Variants in C9orf85 observed in about 807,000 individuals in gnomAD.
The protein encoded by C9orf85 is chromosome 9 open reading frame 85, also known as uncharacterized protein C9orf85.
Under a neutral mutation model 14.9 loss-of-function variants are expected in C9orf85, and 16 were observed. The ratio of observed to expected loss-of-function variants is 1.08; its 90% CI spans 0.73 to 1.63. The LOEUF (loss-of-function observed/expected upper bound fraction) is 1.63. Among genes scored for constraint, C9orf85 ranks in the 40% most tolerant of loss-of-function variants. The pLI, the probability that C9orf85 is intolerant of heterozygous loss-of-function variation, is 0.00. For missense variants in C9orf85, 172 were observed against 186.1 expected, an observed-to-expected ratio of 0.92 and a Z score of 0.44; for synonymous variants, 45 against 56.8, an observed-to-expected ratio of 0.79 and a Z score of 0.93.
intron 1 of C9orf85, among the ~76,000 whole-genome samples, chr9:71,912,853 C>T (rs1827549098): frequency 6.6e-6 from 1 of 152,084 alleles, no homozygotes; most frequent in African/African-American, 2.4e-5. Flanking sequence ...CACTGCACTC[C>T]TGGGCGACAG....
At chr9:71,945,221 G>A (rs377068950) in intron 1 of C9orf85, among the ~76,000 whole-genome samples, 3 of 152,326 alleles carry the variant, frequency 2.0e-5, no homozygotes, top group South Asian at 2.1e-4. Context: ...TGTTCTAGAC[G>A]ACAGAGAAGA....
intron 3 of C9orf85, among the ~76,000 whole-genome samples, chr9:71,979,358 TATC>T (rs1173337600): frequency 2.0e-5 from 3 of 152,238 alleles, no homozygotes; most frequent in Non-Finnish European, 2.9e-5. Context: ...AGAAAACACT[TATC>T]ATAGTAGGGA....
intron 1 of C9orf85, among the ~76,000 whole-genome samples, chr9:71,943,328 T>C (rs1470231555): frequency 6.6e-6 from 1 of 152,120 alleles, no homozygotes; most frequent in African/African-American, 2.4e-5. Context: ...TCTGAAAGAA[T>C]TATGTACAAA....
intron 1 of C9orf85, among the ~76,000 whole-genome samples, chr9:71,939,731 C>G (rs1270895566): frequency 6.6e-6 from 1 of 152,138 alleles, no homozygotes; most frequent in Non-Finnish European, 1.5e-5. Context: ...CTACAGGAAT[C>G]AACACAGGGT....
intron 1 of C9orf85, among the ~76,000 whole-genome samples, chr9:71,928,949 G>A (rs1828000416): frequency 6.6e-6 from 1 of 152,128 alleles, no homozygotes; most frequent in Admixed American, 6.5e-5. Context: ...CAGGTCACAT[G>A]TGAATACTGA....
At chr9:71,912,741 C>G (rs967466398) in intron 1 of C9orf85, among the ~76,000 whole-genome samples, 2 of 151,956 alleles carry the variant, frequency 1.3e-5, no homozygotes, top group African/African-American at 4.8e-5. Context: ...AAAAATTAGC[C>G]GACGTGGTGA....
intron 2 of C9orf85, among the ~76,000 whole-genome samples, chr9:71,951,412 A>C (rs757380703): frequency 5.3e-5 from 8 of 152,230 alleles, no homozygotes; most frequent in Non-Finnish European, 8.8e-5. Context: ...TCAAAGCTTT[A>C]GGTCTTTATA....
At chr9:71,946,605 C>T (rs1187137191) in intron 1 of C9orf85, among the ~76,000 whole-genome samples, 1 of 152,000 alleles carries the variant, frequency 6.6e-6, no homozygotes, top group Non-Finnish European at 1.5e-5. Context: ...CCACCCTGGG[C>T]AACATGGTGA....
chr9:71,982,090 T>A (rs1823106999), intron 3 of C9orf85, among the ~76,000 whole-genome samples: 2 of 152,188 alleles, frequency 1.3e-5, no homozygotes, highest in African/African-American at 4.8e-5. Flanking sequence ...CAACTTAATC[T>A]TTTGTGTGTC....
chr9:71,940,046 T>A (rs1444802893), intron 1 of C9orf85, among the ~76,000 whole-genome samples: 2 of 151,888 alleles, frequency 1.3e-5, no homozygotes, highest in African/African-American at 4.8e-5. Context: ...AAGAAAAAAA[T>A]TGATAAATTG....
rs1822919755 is a variant in C9orf85 at position 71,972,874 on chromosome 9, T to TG, written c.*34dup. Reference sequence around the variant, plus strand: ...TGTATTAAAAGTCTGCCGGGCACAGTGGCTCACGCCTGTAATCCCAACACT... The same window carrying TG: ...TGTATTAAAAGTCTGCCGGGCACAGTGGGCTCACGCCTGTAATCCCAACACT... On this transcript the variant is annotated 3_prime_UTR_variant, in exon 4 of 4. Coordinates refer to ENST00000334731, the MANE Select transcript of C9orf85 (RefSeq NM_182505.5). The TG allele has an allele frequency of 6.4e-7, 1 of 1,563,146 alleles. No homozygotes were observed. Among genetic ancestry groups the TG allele is most frequent in the Non-Finnish European group, 8.7e-7 (1 of 1,150,388 alleles).
chr9:71,911,692 T>A lies in C9orf85; in HGVS notation c.-43T>A, dbSNP rs369949345. 2.6e-6 allele frequency: 4 copies of A among 1,550,250 alleles called. No homozygotes were observed. The highest frequency in any genetic ancestry group is 3.6e-6 in the Non-Finnish European group (4 of 1,121,976). Reference sequence around the variant, plus strand: ...AGTTCGTTGGTTTTCTTTCCCCTCATCCTTTTGCCTGCTCCCGGCGAGGGG... The same window carrying A: ...AGTTCGTTGGTTTTCTTTCCCCTCAACCTTTTGCCTGCTCCCGGCGAGGGG... On this transcript the variant is annotated 5_prime_UTR_variant, in exon 1 of 4. Coordinates refer to ENST00000334731, the MANE Select transcript of C9orf85 (RefSeq NM_182505.5).
chr9:71,967,530 G>C (rs1175007922), intron 2 of C9orf85, among the ~76,000 whole-genome samples: 1 of 151,890 alleles, frequency 6.6e-6, no homozygotes, highest in African/African-American at 2.4e-5. Context: ...ATTAATCATT[G>C]CTAGAAACAT....
intron 1 of C9orf85, among the ~76,000 whole-genome samples, chr9:71,914,317 A>AT (rs1372614424): frequency 1.3e-5 from 2 of 151,540 alleles, no homozygotes; most frequent in Admixed American, 1.3e-4. Context: ...ACATTATGAG[A>AT]TTTTTTTGTG....
intron 1 of C9orf85, among the ~76,000 whole-genome samples, chr9:71,940,478 C>T (rs549567803): frequency 1.3e-5 from 2 of 152,164 alleles, no homozygotes; most frequent in South Asian, 2.1e-4. Flanking sequence ...CAAGTAAACA[C>T]ATCAAAAGAT....
intron 2 of C9orf85, among the ~76,000 whole-genome samples, chr9:71,966,224 G>A (rs1427340708): frequency 1.3e-5 from 2 of 152,126 alleles, no homozygotes; most frequent in African/African-American, 4.8e-5. Context: ...CATGCCTGGA[G>A]TCTCTCTGAA....
intron 2 of C9orf85, among the ~76,000 whole-genome samples, chr9:71,960,958 G>C (rs1310800042): frequency 7.0e-6 from 1 of 143,792 alleles, no homozygotes. Flanking sequence ...TTTTGCCCAA[G>C]TTGGAGAAAA....
chr9:71,978,380 G>A (rs186705861), downstream of C9orf85, among the ~76,000 whole-genome samples: 494 of 152,312 alleles, frequency 3.2e-3, 2 homozygotes, highest in African/African-American at 0.011. Flanking sequence ...AAAGTGCTGA[G>A]ATTACAGGCA....
At position 71,961,277 on chromosome 9, in the gene C9orf85, C is replaced by G. The variant is rs376510665; in HGVS notation, c.210-10228C>G. Among the ~76,000 whole-genome samples the G allele has an allele frequency of 3.7e-3, 556 of 151,914 alleles. 4 individuals carry two copies. The highest frequency in any genetic ancestry group is 0.012 in the African/African-American group (499 of 41,426). ...ATTAGTGATTTGAAAATTGGGTCAC[C>G]ACGGCCAGGCGCAGTGGCTCACACC... is the stretch of plus-strand genomic sequence containing the variant. On this transcript the variant is annotated intron_variant, in intron 2 of 3. Transcript: ENST00000334731.
Sources: gnomAD v4.1 joint callset for allele counts (sites outside exome capture counted in the v4.1 genomes callset) on GRCh38, gnomAD v4.1.1 for gene constraint, MANE v1.5 for transcripts, NCBI Gene and HGNC (gene_info 2026-07-23, HGNC 2026-07-21) for gene names.